The following FCHSD2 variants were observed in gnomAD, a reference collection of about 807,000 sequenced individuals.
The protein encoded by FCHSD2 is F-BAR and double SH3 domains protein 2.
Under a neutral mutation model 108.1 loss-of-function variants are expected in FCHSD2, and 38 were observed. That is an observed-to-expected ratio of 0.35 (90% CI 0.27 to 0.46). The LOEUF (loss-of-function observed/expected upper bound fraction) is 0.46, where lower values mean the gene tolerates loss of function less well. Ranked by LOEUF, FCHSD2 falls within the 20% of genes least tolerant of loss-of-function variation. FCHSD2 has a pLI of 1.00. For missense variants in FCHSD2, 751 were observed against 897.8 expected (o/e 0.84, Z 2.09); for synonymous variants, 279 against 314.7 (o/e 0.89, Z 1.20).
At chr11:72,985,479 C>G (rs1437333750) in intron 6 of FCHSD2, among the ~76,000 whole-genome samples, 1 of 152,036 alleles carries the variant, frequency 6.6e-6, no homozygotes, top group Non-Finnish European at 1.5e-5. Context: ...CACTTTAGTT[C>G]CTGCAAAGGT....
At chr11:72,847,597 G>A (rs552375481) in intron 14 of FCHSD2, among the ~76,000 whole-genome samples, 1 of 151,504 alleles carries the variant, frequency 6.6e-6, no homozygotes, top group Non-Finnish European at 1.5e-5. Flanking sequence ...ACATTTTTGT[G>A]TCCAAAACTT....
At chr11:73,108,969 A>T (rs964812420) in intron 2 of FCHSD2, among the ~76,000 whole-genome samples, 1 of 152,230 alleles carries the variant, frequency 6.6e-6, no homozygotes, top group Non-Finnish European at 1.5e-5. Flanking sequence ...CAGTTTTTCC[A>T]GCACCATTTA....
intron 12 of FCHSD2, among the ~76,000 whole-genome samples, chr11:72,885,782 C>CACTA (rs1855184826): frequency 6.6e-6 from 1 of 152,162 alleles, no homozygotes; most frequent in Non-Finnish European, 1.5e-5. Context: ...GGCTTGCCAA[C>CACTA]ACTACTTGGC....
chr11:73,129,872 CT>C (rs35445043), intron 2 of FCHSD2, among the ~76,000 whole-genome samples: 16,246 of 124,066 alleles, frequency 0.13, 507 homozygotes, highest in Middle Eastern at 0.18. Flanking sequence ...CCTTCATAAT[CT>C]TTTTTTTTTT....
At chr11:73,045,805 T>TA (rs1858749384) in intron 3 of FCHSD2, among the ~76,000 whole-genome samples, 1 of 151,858 alleles carries the variant, frequency 6.6e-6, no homozygotes, top group Non-Finnish European at 1.5e-5. Flanking sequence ...CATTGGGAGA[T>TA]ATACCTAATG....
At chr11:73,059,719 T>C (rs542485760) in intron 3 of FCHSD2, among the ~76,000 whole-genome samples, 3 of 151,126 alleles carry the variant, frequency 2.0e-5, no homozygotes, top group South Asian at 4.2e-4. Context: ...AGGTTTTCTT[T>C]CTTTTTTTTT....
At chr11:73,113,353 C>CTTTTT (rs35979371) in intron 2 of FCHSD2, among the ~76,000 whole-genome samples, 9 of 29,916 alleles carry the variant, frequency 3.0e-4, no homozygotes, top group Non-Finnish European at 3.7e-4. Flanking sequence ...CCAAGATGGT[C>CTTTTT]TTTTTTTTTT....
At chr11:72,841,364 A>AAAG in intron 18 of FCHSD2, 90 bp downstream of exon 18, 1 of 1,000,856 alleles carries the variant, frequency 1.0e-6, no homozygotes, top group African/African-American at 1.8e-5. Flanking sequence ...AAAAAAAAAA[A>AAAG]GCAAATGCAG....
chr11:72,944,576 A>G (rs1159397188), intron 8 of FCHSD2, among the ~76,000 whole-genome samples: 1 of 152,182 alleles, frequency 6.6e-6, no homozygotes, highest in East Asian at 1.9e-4. Flanking sequence ...AAGGAAATAA[A>G]GAGTATTTAA....
chr11:72,982,864 T>G (rs1292190696), intron 8 of FCHSD2, among the ~76,000 whole-genome samples: 2 of 152,150 alleles, frequency 1.3e-5, no homozygotes, highest in Non-Finnish European at 2.9e-5. Flanking sequence ...CTAAGTTTTT[T>G]TAGAAATAAA....
chr11:73,064,591 A>T (rs1366548067), intron 3 of FCHSD2, among the ~76,000 whole-genome samples: 1 of 152,188 alleles, frequency 6.6e-6, no homozygotes, highest in Non-Finnish European at 1.5e-5. Context: ...CGCAATAAAA[A>T]ATGATATAAG....
intron 9 of FCHSD2, among the ~76,000 whole-genome samples, chr11:72,917,290 C>T (rs1235304041): frequency 1.3e-5 from 2 of 152,152 alleles, no homozygotes; most frequent in Non-Finnish European, 2.9e-5. Flanking sequence ...GCTTGAACTT[C>T]ATTCTTTTGC....
intron 2 of FCHSD2, among the ~76,000 whole-genome samples, chr11:73,117,878 T>C (rs1860640602): frequency 6.6e-6 from 1 of 152,236 alleles, no homozygotes. Context: ...CCTCTAAATA[T>C]TTCAGCATGC....
intron 2 of FCHSD2, among the ~76,000 whole-genome samples, chr11:73,121,843 G>A (rs371235112): frequency 6.6e-6 from 1 of 152,176 alleles, no homozygotes; most frequent in South Asian, 2.1e-4. Flanking sequence ...CCTGATGCAG[G>A]AGATTAGGGA....
chr11:73,138,278 A>G (rs549126055), intron 2 of FCHSD2, among the ~76,000 whole-genome samples: 1 of 152,252 alleles, frequency 6.6e-6, no homozygotes, highest in Non-Finnish European at 1.5e-5. Flanking sequence ...GTCAGCACAG[A>G]TATCAGGACA....
intron 12 of FCHSD2, among the ~76,000 whole-genome samples, chr11:72,880,658 G>A (rs1032070419): frequency 1.2e-4 from 18 of 151,976 alleles, no homozygotes; most frequent in African/African-American, 4.3e-4. Context: ...GCTCACACCT[G>A]TAATCTTAGC....
chr11:73,025,216 T>C (rs1220627972), intron 3 of FCHSD2, among the ~76,000 whole-genome samples: 1 of 152,082 alleles, frequency 6.6e-6, no homozygotes, highest in Non-Finnish European at 1.5e-5. Flanking sequence ...CTATTCACAG[T>C]AGAAAAGACA....
chr11:72,893,252 C>T (rs1236800045), intron 10 of FCHSD2, among the ~76,000 whole-genome samples: 1 of 152,128 alleles, frequency 6.6e-6, no homozygotes, highest in Admixed American at 6.5e-5. Context: ...TCCACCTGTT[C>T]TTGGCCTCCC....
At chr11:72,965,561 C>A (rs552044913) in intron 8 of FCHSD2, among the ~76,000 whole-genome samples, 9 of 152,100 alleles carry the variant, frequency 5.9e-5, no homozygotes, top group African/African-American at 2.2e-4. Flanking sequence ...TCAATATTTT[C>A]ATGTATTTAT....
Sources: gnomAD v4.1 joint callset for allele counts (sites outside exome capture counted in the v4.1 genomes callset) on GRCh38, gnomAD v4.1.1 for gene constraint, MANE v1.5 for transcripts, NCBI Gene and HGNC (gene_info 2026-07-23, HGNC 2026-07-21) for gene names.